LRRC4C: variants seen among roughly 807,000 people sequenced by gnomAD.
LRRC4C encodes leucine-rich repeat-containing protein 4C.
A neutral mutation model predicts 33.6 loss-of-function variants in LRRC4C; 5 were observed. That is an observed-to-expected ratio of 0.15 (90% CI 0.08 to 0.31). The LOEUF is 0.31. Ranked by LOEUF, LRRC4C falls within the 10% of genes least tolerant of loss-of-function variation. The pLI is 1.00. For missense variants in LRRC4C, 560 were observed against 796.7 expected (o/e 0.70, Z 3.58); for synonymous variants, 329 against 302.0 (o/e 1.09, Z -0.93).
intron 1 of LRRC4C, among the ~76,000 whole-genome samples, chr11:41,123,217 A>G (rs1356344370): frequency 2.0e-5 from 3 of 147,014 alleles, no homozygotes; most frequent in Non-Finnish European, 3.0e-5. Context: ...ATTTCAAGCA[A>G]CTCTGGATTT....
At chr11:40,207,616 T>A (rs1590710897) in intron 5 of LRRC4C, among the ~76,000 whole-genome samples, 1 of 152,000 alleles carries the variant, frequency 6.6e-6, no homozygotes, top group East Asian at 1.9e-4. Flanking sequence ...AACAAAGAAA[T>A]AGGAGAGTCA....
intron 2 of LRRC4C, among the ~76,000 whole-genome samples, chr11:40,708,926 T>C (rs960990212): frequency 6.6e-6 from 1 of 152,226 alleles, no homozygotes. Context: ...TCAGGATAGT[T>C]AGCTCTTCTT....
intron 3 of LRRC4C, among the ~76,000 whole-genome samples, chr11:40,347,125 C>T (rs1275110005): frequency 6.6e-6 from 1 of 152,172 alleles, no homozygotes; most frequent in Non-Finnish European, 1.5e-5. Context: ...GGTTGTTTGT[C>T]TACTTGGACA....
At chr11:40,239,407 C>G (rs931930212) in intron 5 of LRRC4C, among the ~76,000 whole-genome samples, 4 of 152,092 alleles carry the variant, frequency 2.6e-5, no homozygotes, top group Admixed American at 2.6e-4. Flanking sequence ...TTAAATTGAA[C>G]TTAAAATATG....
At chr11:41,417,895 C>A (rs979943462) in intron 1 of LRRC4C, among the ~76,000 whole-genome samples, 1 of 151,556 alleles carries the variant, frequency 6.6e-6, no homozygotes, top group Non-Finnish European at 1.5e-5. Context: ...CTTTTCTCAA[C>A]AAACACCATA....
intron 1 of LRRC4C, among the ~76,000 whole-genome samples, chr11:41,043,356 T>G (rs949996251): frequency 6.6e-6 from 1 of 152,106 alleles, no homozygotes; most frequent in Non-Finnish European, 1.5e-5. Context: ...CCTTGTCCTC[T>G]CAGATGCTGA....
chr11:41,329,354 T>C (rs1951221697), intron 1 of LRRC4C, among the ~76,000 whole-genome samples: 1 of 152,208 alleles, frequency 6.6e-6, no homozygotes, highest in Non-Finnish European at 1.5e-5. Flanking sequence ...GGCATATCCA[T>C]GTGGAGACAC....
intron 1 of LRRC4C, among the ~76,000 whole-genome samples, chr11:40,993,280 T>A (rs967788313): frequency 2.0e-5 from 3 of 152,166 alleles, no homozygotes; most frequent in African/African-American, 4.8e-5. Flanking sequence ...TATAATTTTT[T>A]CTGTTTTTAA....
chr11:40,507,215 G>A (rs560819054), intron 3 of LRRC4C, among the ~76,000 whole-genome samples: 48 of 152,114 alleles, frequency 3.2e-4, no homozygotes, highest in Middle Eastern at 3.4e-3. Flanking sequence ...ATAGTTTAAA[G>A]ACTGAGAAAT....
At chr11:41,403,109 G>A (rs1187484540) in intron 1 of LRRC4C, among the ~76,000 whole-genome samples, 1 of 152,006 alleles carries the variant, frequency 6.6e-6, no homozygotes, top group East Asian at 1.9e-4. Flanking sequence ...ATGGTGAGGA[G>A]GTTCACTTAA....
At chr11:41,076,853 G>A (rs1939187858) in intron 1 of LRRC4C, among the ~76,000 whole-genome samples, 1 of 152,182 alleles carries the variant, frequency 6.6e-6, no homozygotes, top group Non-Finnish European at 1.5e-5. Flanking sequence ...CTAGAAGCCT[G>A]TAAAATCAAA....
intron 3 of LRRC4C, among the ~76,000 whole-genome samples, chr11:40,386,191 T>C (rs911524910): frequency 6.6e-6 from 1 of 152,128 alleles, no homozygotes. Flanking sequence ...AGGAGTGAAT[T>C]ATGTCACAAA....
intron 2 of LRRC4C, among the ~76,000 whole-genome samples, chr11:40,799,870 A>T (rs541765592): frequency 6.6e-6 from 1 of 152,204 alleles, no homozygotes; most frequent in South Asian, 2.1e-4. Context: ...CACAATTAAG[A>T]TTTTCAGAAG....
rs1591078766 is a variant in LRRC4C, at chr11:41,256,502, C to T, written c.-496+202929G>A. ...CACAATGCCCATCTGTGCAGTTGTA[C>T]TGAGTTAGAAATCCAAAAAAGGAAA... On this transcript the variant is annotated intron_variant, in intron 1 of 6. Coordinates refer to ENST00000528697, the MANE Select transcript of LRRC4C (RefSeq NM_001258419.2). 3.9e-5 allele frequency among the ~76,000 whole-genome samples: 6 copies of T among 152,018 alleles called. No homozygotes were observed. In the South Asian group the frequency reaches 1.0e-3, roughly 26 times the overall value.
At chr11:41,086,681 A>G (rs1940012565) in intron 1 of LRRC4C, among the ~76,000 whole-genome samples, 1 of 152,044 alleles carries the variant, frequency 6.6e-6, no homozygotes, top group Admixed American at 6.6e-5. Flanking sequence ...GTGGTTCAGG[A>G]TCTATTTTTA....
intron 1 of LRRC4C, among the ~76,000 whole-genome samples, chr11:41,114,101 A>C (rs1033476986): frequency 1.3e-5 from 2 of 152,082 alleles, no homozygotes; most frequent in Non-Finnish European, 2.9e-5. Flanking sequence ...TTATTTATCA[A>C]TATAGGACCT....
chr11:40,315,397 G>A (rs1945526683), intron 4 of LRRC4C, among the ~76,000 whole-genome samples: 1 of 151,418 alleles, frequency 6.6e-6, no homozygotes, highest in Non-Finnish European at 1.5e-5. Flanking sequence ...TTAAAACAAG[G>A]AAATATTACC....
chr11:41,099,994 G>A (rs564548833), intron 1 of LRRC4C, among the ~76,000 whole-genome samples: 7 of 152,036 alleles, frequency 4.6e-5, no homozygotes, highest in East Asian at 1.9e-4. Flanking sequence ...GCAAAGTCTC[G>A]GGATACCCCC....
chr11:40,776,547 T>G (rs952148042), intron 2 of LRRC4C, among the ~76,000 whole-genome samples: 6 of 152,272 alleles, frequency 3.9e-5, no homozygotes, highest in African/African-American at 1.4e-4. Flanking sequence ...TCTGATTATC[T>G]TTTGTATTTA....
Sources: gnomAD v4.1 joint callset for allele counts (sites outside exome capture counted in the v4.1 genomes callset) on GRCh38, gnomAD v4.1.1 for gene constraint, MANE v1.5 for transcripts, NCBI Gene and HGNC (gene_info 2026-07-23, HGNC 2026-07-21) for gene names.